The following MGLL variants were observed in gnomAD, a reference collection of about 807,000 sequenced individuals.
The protein encoded by MGLL is lysophospholipase homolog.
A neutral mutation model predicts 29.1 loss-of-function variants in MGLL; 7 were observed. That is an observed-to-expected ratio of 0.24 (90% CI 0.14 to 0.45). The LOEUF (loss-of-function observed/expected upper bound fraction) is 0.45, where lower values mean the gene tolerates loss of function less well. Among genes scored for constraint, MGLL ranks in the 20% least tolerant of loss-of-function variants. The pLI, the probability that MGLL is intolerant of heterozygous loss-of-function variation, is 0.99. For missense variants in MGLL, 356 were observed against 413.6 expected, an observed-to-expected ratio of 0.86 and a Z score of 1.21; for synonymous variants, 148 against 168.3, an observed-to-expected ratio of 0.88 and a Z score of 0.93.
intron 3 of MGLL, among the ~76,000 whole-genome samples, chr3:127,725,189 T>C (rs1022811707): frequency 1.3e-5 from 2 of 152,230 alleles, no homozygotes; most frequent in African/African-American, 4.8e-5. Context: ...CACATGCTCC[T>C]GCTGACTTTG....
chr3:127,785,383 C>T lies in MGLL; in HGVS notation c.156-3488G>A, dbSNP rs1022997966. Among the ~76,000 whole-genome samples the T allele has an allele frequency of 3.3e-5, 5 of 152,362 alleles. No individual in the cohort carries two copies. The East Asian group carries it at 9.6e-4, about 29-fold the overall frequency. On this transcript the variant is annotated intron_variant, in intron 2 of 7. Coordinates refer to ENST00000265052, the MANE Select transcript of MGLL (RefSeq NM_007283.7). Reference sequence around the variant, plus strand: ...TGGGTAAAGGGACAGACCCCAGCTCCAGGCTTCCTGATGGAAGGTCACATT... The same window carrying T: ...TGGGTAAAGGGACAGACCCCAGCTCTAGGCTTCCTGATGGAAGGTCACATT...
intron 3 of MGLL, among the ~76,000 whole-genome samples, chr3:127,777,102 C>A (rs375466533): frequency 4.6e-5 from 7 of 152,156 alleles, no homozygotes; most frequent in African/African-American, 7.2e-5. Flanking sequence ...TGTGTCCATG[C>A]ATTTCTCCTT....
At chr3:127,765,099 T>TCTCAG (rs2076833379) in intron 3 of MGLL, among the ~76,000 whole-genome samples, 1 of 152,222 alleles carries the variant, frequency 6.6e-6, no homozygotes, top group African/African-American at 2.4e-5. Context: ...CTACATCTTT[T>TCTCAG]CTCAGCTCCT....
chr3:127,704,243 A>G (rs1336450264), intron 6 of MGLL, among the ~76,000 whole-genome samples: 1 of 152,250 alleles, frequency 6.6e-6, no homozygotes, highest in African/African-American at 2.4e-5. Context: ...TGGATTAAAG[A>G]CTTAAATGTA....
intron 3 of MGLL, among the ~76,000 whole-genome samples, chr3:127,751,229 A>G (rs947578195): frequency 5.3e-5 from 8 of 150,656 alleles, no homozygotes; most frequent in African/African-American, 2.0e-4. Context: ...AATGGCTTCA[A>G]CTCCCCCTCC....
intron 3 of MGLL, among the ~76,000 whole-genome samples, chr3:127,743,662 G>A (rs1370856954): frequency 4.0e-5 from 6 of 151,084 alleles, no homozygotes; most frequent in Admixed American, 3.9e-4. Context: ...GGGCCGGAGA[G>A]GCAATGTGTT....
At chr3:127,718,891 C>T (rs2075866279) in intron 5 of MGLL, among the ~76,000 whole-genome samples, 1 of 152,130 alleles carries the variant, frequency 6.6e-6, no homozygotes, top group Non-Finnish European at 1.5e-5. Flanking sequence ...GGTTGTCAGA[C>T]CAGACTAGAA....
At chr3:127,773,447 G>C (rs2076982336) in intron 3 of MGLL, among the ~76,000 whole-genome samples, 1 of 152,258 alleles carries the variant, frequency 6.6e-6, no homozygotes, top group South Asian at 2.1e-4. Context: ...TGTAAACACA[G>C]TGTTGAGCAC....
chr3:127,790,308 A>G lies in MGLL; in HGVS notation c.156-8413T>C, dbSNP rs1424675716. 2.6e-5 allele frequency among the ~76,000 whole-genome samples: 4 copies of G among 152,192 alleles called. No homozygotes were observed. The East Asian group carries it at 5.8e-4, about 22-fold the overall frequency. On this transcript the variant is annotated intron_variant, in intron 2 of 7. Transcript: ENST00000265052. The stretch of plus-strand genomic sequence containing the variant: ...GAGCACTCAACCCACATGAGCTAAC[A>G]TTGTCGTCTCCCCAGGTGTGATCTC...
intron 2 of MGLL, among the ~76,000 whole-genome samples, chr3:127,782,758 G>A (rs920739335): frequency 1.3e-5 from 2 of 152,176 alleles, no homozygotes; most frequent in Non-Finnish European, 2.9e-5. Flanking sequence ...GGGGAAAGAG[G>A]AGGAGGAGAA....
At chr3:127,754,107 CGGA>C (rs2076611969) in intron 3 of MGLL, among the ~76,000 whole-genome samples, 1 of 152,212 alleles carries the variant, frequency 6.6e-6, no homozygotes, top group Admixed American at 6.5e-5. Flanking sequence ...CTGCACTCTA[CGGA>C]GGAGGCCACA....
In MGLL at chr3:127,762,805, C is replaced by A. The variant is rs536004367; in HGVS notation, c.262+18984G>T. Among the ~76,000 whole-genome samples the A allele has an allele frequency of 7.9e-5, 12 of 152,310 alleles. No individual in the cohort carries two copies. The South Asian group carries it at 2.3e-3, about 29-fold the overall frequency. On this transcript the variant is annotated intron_variant, in intron 3 of 7. Coordinates refer to ENST00000265052, the MANE Select transcript of MGLL (RefSeq NM_007283.7). ...ATGCTGCTCTGGGCCAGGGCCTGTT[C>A]CAAGCAATTTATCAATGGTAAGTTT...
intron 3 of MGLL, among the ~76,000 whole-genome samples, chr3:127,764,902 A>G (rs1392198105): frequency 6.6e-6 from 1 of 152,138 alleles, no homozygotes. Flanking sequence ...TACTGACCCT[A>G]TGGGGTAGAG....
chr3:127,788,054 G>A (rs1167779213), intron 2 of MGLL, among the ~76,000 whole-genome samples: 2 of 152,204 alleles, frequency 1.3e-5, no homozygotes, highest in African/African-American at 4.8e-5. Flanking sequence ...GCCAGTGAAG[G>A]AGCTAAAATC....
rs376878026 is a variant in MGLL at position 127,748,020 on chromosome 3, G to A, written c.263-25454C>T. 3.0e-4 allele frequency among the ~76,000 whole-genome samples: 46 copies of A among 152,300 alleles called. No individual in the cohort carries two copies. In the South Asian group the frequency reaches 4.8e-3, roughly 16 times the overall value. On this transcript the variant is annotated intron_variant, in intron 3 of 7. Transcript: ENST00000265052. Reference sequence around the variant, plus strand: ...CCCAAGTCCACGTGAGATTTCACGCGGGGAGGAGCCACAGCGTCTGGTATT... The same window carrying A: ...CCCAAGTCCACGTGAGATTTCACGCAGGGAGGAGCCACAGCGTCTGGTATT...
chr3:127,791,213 C>T (rs2077294796), intron 2 of MGLL: 1 of 152,216 alleles, frequency 6.6e-6, no homozygotes, highest in African/African-American at 2.4e-5. Context: ...TCAGTATGAG[C>T]TTTCTTCAGA....
At chr3:127,698,585 G>C (rs1302558124) in intron 6 of MGLL, among the ~76,000 whole-genome samples, 1 of 152,168 alleles carries the variant, frequency 6.6e-6, no homozygotes, top group Admixed American at 6.5e-5. Flanking sequence ...GGCTGAGGAG[G>C]GTGTGGGGCG....
intron 2 of MGLL, among the ~76,000 whole-genome samples, chr3:127,783,034 G>T (rs568646758): frequency 7.4e-4 from 110 of 148,210 alleles, no homozygotes; most frequent in African/African-American, 2.5e-3. Flanking sequence ...AATTAACCAG[G>T]CATGGTGGCA....
chr3:127,779,282 G>C (rs1037232418), intron 3 of MGLL, among the ~76,000 whole-genome samples: 1 of 152,104 alleles, frequency 6.6e-6, no homozygotes, highest in Non-Finnish European at 1.5e-5. Context: ...CAGGATAATC[G>C]CTTGAACCCG....
Sources: allele counts gnomAD v4.1 joint callset (sites outside exome capture counted in the v4.1 genomes callset), GRCh38; gene constraint gnomAD v4.1.1; transcripts MANE v1.5; gene names NCBI Gene and HGNC (gene_info 2026-07-23, HGNC 2026-07-21).